The following RGS6 variants were observed in gnomAD, a reference collection of about 807,000 sequenced individuals.
RGS6 encodes regulator of G-protein signaling 6.
Under a neutral mutation model 78.5 loss-of-function variants are expected in RGS6, and 30 were observed. That is an observed-to-expected ratio of 0.38 (90% CI 0.29 to 0.52). The LOEUF (loss-of-function observed/expected upper bound fraction) is 0.52, where lower values mean the gene tolerates loss of function less well. Among genes scored for constraint, RGS6 ranks in the 20% least tolerant of loss-of-function variants. The pLI, the probability that RGS6 is intolerant of heterozygous loss-of-function variation, is 0.85. For missense variants in RGS6, 495 were observed against 609.7 expected, an observed-to-expected ratio of 0.81 and a Z score of 1.98; for synonymous variants, 206 against 206.0, an observed-to-expected ratio of 1.00 and a Z score of 0.00.
At chr14:72,100,925 A>G (rs908204875) in intron 2 of RGS6, among the ~76,000 whole-genome samples, 13 of 152,134 alleles carry the variant, frequency 8.5e-5, no homozygotes, top group Non-Finnish European at 1.8e-4. Flanking sequence ...TTGGGATGCC[A>G]AGGCAGGTGG....
intron 3 of RGS6, among the ~76,000 whole-genome samples, chr14:72,423,015 C>A (rs1267706386): frequency 6.6e-6 from 1 of 152,156 alleles, no homozygotes; most frequent in Non-Finnish European, 1.5e-5. Context: ...TTGTTTTAAC[C>A]CACAAAGGAA....
At chr14:72,620,660 C>G in the RGS6 span, among the ~76,000 whole-genome samples, 1 of 152,222 alleles carries the variant, frequency 6.6e-6, no homozygotes, top group Admixed American at 6.5e-5. Flanking sequence ...CTCTGCATGT[C>G]CATTCCCTGC....
chr14:71,926,843 A>T, the RGS6 span, among the ~76,000 whole-genome samples: 2 of 152,076 alleles, frequency 1.3e-5, no homozygotes, highest in South Asian at 4.2e-4. Flanking sequence ...GTTTCAATGG[A>T]CACATATTGA....
the RGS6 span, among the ~76,000 whole-genome samples, chr14:71,868,643 A>T: frequency 1.3e-5 from 2 of 152,196 alleles, no homozygotes; most frequent in Non-Finnish European, 2.9e-5. Flanking sequence ...TGTGTTAAAT[A>T]CCTTTAGTGA....
the RGS6 span, among the ~76,000 whole-genome samples, chr14:71,918,399 A>C: frequency 1.3e-5 from 2 of 152,176 alleles, no homozygotes; most frequent in Non-Finnish European, 2.9e-5. Flanking sequence ...CACTTGCTAC[A>C]TTAAATCAGT....
Position 72,006,664 on chromosome 14 carries a change from C to T in RGS6, c.84+41789C>T, listed in dbSNP as rs1317235427. ...CTCATAAGAAACTCTGAGTCAAAAC[C>T]GTCCGTCTAAATGGCTCCCAATTCC... On this transcript the variant is annotated intron_variant, in intron 2 of 17. Coordinates refer to ENST00000553525, the MANE Select transcript of RGS6 (RefSeq NM_001204424.2). 3.3e-5 allele frequency among the ~76,000 whole-genome samples: 5 copies of T among 152,158 alleles called. No individual in the cohort carries two copies. In the East Asian group the frequency reaches 5.8e-4, roughly 18 times the overall value.
intron 2 of RGS6, among the ~76,000 whole-genome samples, chr14:72,307,645 T>C (rs1388940654): frequency 1.3e-5 from 2 of 152,138 alleles, no homozygotes; most frequent in Non-Finnish European, 2.9e-5. Flanking sequence ...TTAATTATTA[T>C]ATATTTAAAA....
chr14:72,609,145 C>A, the RGS6 span, among the ~76,000 whole-genome samples: 1 of 152,186 alleles, frequency 6.6e-6, no homozygotes, highest in Admixed American at 6.5e-5. Flanking sequence ...CTAACCACAG[C>A]AAGGAAGGGG....
At chr14:72,429,684 A>T (rs1178356075) in intron 3 of RGS6, among the ~76,000 whole-genome samples, 1 of 152,218 alleles carries the variant, frequency 6.6e-6, no homozygotes, top group African/African-American at 2.4e-5. Context: ...TAGCCCAGGG[A>T]AGCCTTGTCA....
intron 3 of RGS6, among the ~76,000 whole-genome samples, chr14:72,415,802 CTCTGTT>C (rs2153079328): frequency 1.3e-5 from 2 of 152,338 alleles, no homozygotes; most frequent in East Asian, 3.9e-4. Context: ...TCCTCTCTGT[CTCTGTT>C]TATGTGCATT....
chr14:72,138,458 T>G (rs908234453), intron 2 of RGS6, among the ~76,000 whole-genome samples: 2 of 149,926 alleles, frequency 1.3e-5, no homozygotes, highest in East Asian at 1.9e-4. Flanking sequence ...TGTTTTTTTT[T>G]TTTTTTTTTT....
At chr14:72,088,195 T>G (rs1182326101) in intron 2 of RGS6, among the ~76,000 whole-genome samples, 1 of 152,210 alleles carries the variant, frequency 6.6e-6, no homozygotes, top group Admixed American at 6.5e-5. Flanking sequence ...GGGTTTTGAT[T>G]AAATGGCACG....
At chr14:72,264,766 A>C (rs750166985) in intron 2 of RGS6, among the ~76,000 whole-genome samples, 2 of 152,220 alleles carry the variant, frequency 1.3e-5, no homozygotes, top group South Asian at 2.1e-4. Flanking sequence ...TCCCAGGGAC[A>C]TTGAGAGGGC....
rs991571356 is a variant in RGS6, at chr14:72,562,983, G to A, written c.*516G>A. The A allele has an allele frequency of 1.7e-6, 1 of 589,036 alleles. No individual in the cohort carries two copies. The highest frequency in any genetic ancestry group is 3.0e-6 in the Non-Finnish European group (1 of 327,982). The allele number at this position is 589,036 out of a possible 1,614,324, so 36.5% of individuals were successfully genotyped here. A position where few individuals can be genotyped will look rare whatever the true frequency, so the allele number is the denominator to read the frequency against. On this transcript the variant is annotated 3_prime_UTR_variant, in exon 18 of 18. Coordinates refer to ENST00000553525, the MANE Select transcript of RGS6 (RefSeq NM_001204424.2). ...GCCTGTCATCCCTCACGTCTCTGTG[G>A]CCACCCGGGTGTCACTGCCAGCACC...
At chr14:72,325,311 C>A (rs914281342) in intron 2 of RGS6, among the ~76,000 whole-genome samples, 2 of 152,138 alleles carry the variant, frequency 1.3e-5, no homozygotes, top group African/African-American at 2.4e-5. Context: ...GTTGCCTGTT[C>A]ACTCTGATGG....
intron 2 of RGS6, among the ~76,000 whole-genome samples, chr14:71,966,642 A>G (rs1286215826): frequency 1.3e-5 from 2 of 152,156 alleles, no homozygotes; most frequent in Non-Finnish European, 2.9e-5. Context: ...ATCTGTAAAA[A>G]GAAAAAAAAA....
chr14:72,017,751 T>C (rs1726464856), intron 2 of RGS6, among the ~76,000 whole-genome samples: 1 of 152,166 alleles, frequency 6.6e-6, no homozygotes, highest in South Asian at 2.1e-4. Context: ...GTGCCTTTTA[T>C]TGGGTTAAGA....
intron 17 of RGS6, chr14:72,540,690 A>G: frequency 1.5e-6 from 2 of 1,370,738 alleles, no homozygotes; most frequent in South Asian, 2.3e-5. Context: ...CATCAGCCTC[A>G]TGTGCACAGT....
intron 11 of RGS6, among the ~76,000 whole-genome samples, chr14:72,477,856 C>T (rs947778882): frequency 1.3e-5 from 2 of 151,694 alleles, no homozygotes; most frequent in Admixed American, 1.3e-4. Context: ...TTTGATGATT[C>T]CAGTCAAGCA....
Sources: gnomAD v4.1 joint callset for allele counts (sites outside exome capture counted in the v4.1 genomes callset) on GRCh38, gnomAD v4.1.1 for gene constraint, MANE v1.5 for transcripts, NCBI Gene and HGNC (gene_info 2026-07-23, HGNC 2026-07-21) for gene names.